Variants in TEX30 observed in about 807,000 individuals in gnomAD.
TEX30 encodes testis-expressed protein 30.
In TEX30, 14 loss-of-function variants were observed where a neutral mutation model predicts 23.8. The observed-to-expected ratio is 0.59, with a 90% CI of 0.39 to 0.92. The LOEUF is 0.92. Among genes scored for constraint, TEX30 ranks in the 40% least tolerant of loss-of-function variants. The probability of loss-of-function intolerance (pLI) is 0.00; values close to 1 mark genes in which losing one functional copy is unlikely to be tolerated. For missense variants in TEX30, 246 were observed against 270.6 expected (o/e 0.91, Z 0.64); for synonymous variants, 78 against 90.2 (o/e 0.87, Z 0.76).
chr13:102,770,622 G>A (rs375525982), intron 1 of TEX30: 1 of 152,186 alleles, frequency 6.6e-6, no homozygotes, highest in South Asian at 2.1e-4. Context: ...ACATTTCAAT[G>A]TGTGACTTCT....
rs1877236682 is a variant in TEX30, at chr13:102,770,347, C to T, written c.-60-261G>A. 4 of 218,876 alleles carry T rather than the reference C, an allele frequency of 1.8e-5. No individual in the cohort carries two copies. The Admixed American group carries it at 2.3e-4, about 13-fold the overall frequency. 13.6% of individuals were successfully genotyped at this position (218,876 alleles called of 1,614,324 possible). ...AGGTAATTCATATCAAAGTAGGATG[C>T]TGTATCTTGTCAAAATATGGTAATG... On this transcript the variant is annotated intron_variant, in intron 1 of 5. Coordinates refer to ENST00000376032, the MANE Select transcript of TEX30 (RefSeq NM_138779.5).
chr13:102,769,273 G>T (rs1309115680), intron 3 of TEX30, 38 bp downstream of exon 3: 3 of 1,331,284 alleles, frequency 2.3e-6, no homozygotes, highest in Non-Finnish European at 3.0e-6. Flanking sequence ...ATTTCAAACA[G>T]AATTCTGTTA....
chr13:102,767,363 C>T lies in TEX30; in HGVS notation c.414G>A (p.Lys138=). The change falls in exon 5 of 6, where the codon AAG becomes AAA. Residue 138 remains lysine, a synonymous_variant. Transcript: ENST00000376032. ...CTTCATCTCTGAGTTTATGCTGCTGCTTTGGATGGTGCAGTGGGTAAGAAA... is the reference window on the plus strand; with the variant it reads ...CTTCATCTCTGAGTTTATGCTGCTGTTTTGGATGGTGCAGTGGGTAAGAAA... ...ICISYPLHHP[K]QQHKLRDEDL... is the part of the protein sequence containing the mutation. 3.1e-6 allele frequency: 5 copies of T among 1,614,156 alleles called. No individual in the cohort carries two copies. Among genetic ancestry groups the T allele is most frequent in the Non-Finnish European group, 4.2e-6 (5 of 1,180,006 alleles).
intron 1 of TEX30, among the ~76,000 whole-genome samples, chr13:102,773,056 GACA>G (rs1394902632): frequency 1.3e-5 from 2 of 152,232 alleles, no homozygotes; most frequent in African/African-American, 2.4e-5. Context: ...GTTCTAGGAC[GACA>G]ACTACTCACA....
rs1876855483 is a variant in TEX30, at chr13:102,766,175, A to G, written c.*226T>C. The G allele has an allele frequency of 6.4e-6, 2 of 312,522 alleles. No individual in the cohort carries two copies. The highest frequency in any genetic ancestry group is 2.3e-4 in the South Asian group (2 of 8,552). The allele number at this position is 312,522 out of a possible 1,614,324, so 19.4% of individuals were successfully genotyped here. A position where few individuals can be genotyped will look rare whatever the true frequency, so the allele number is the denominator to read the frequency against. ...TTAACTATACTAATGAAAATAAATT[A>G]TATGTAGACCACCTTCAATATTTTT... On this transcript the variant is annotated 3_prime_UTR_variant, in exon 6 of 6. Transcript: ENST00000376032.
At chr13:102,773,457 C>T (rs1245970018) in intron 1 of TEX30, 1 of 152,104 alleles carries the variant, frequency 6.6e-6, no homozygotes, top group East Asian at 1.9e-4. Flanking sequence ...CCGCCCGTAC[C>T]AACCCCACAT....
intron 3 of TEX30, among the ~76,000 whole-genome samples, chr13:102,768,784 T>C (rs1483489842): frequency 6.6e-6 from 1 of 152,108 alleles, no homozygotes; most frequent in Non-Finnish European, 1.5e-5. Context: ...TCATGACACC[T>C]GATAAGCTTA....
intron 2 of TEX30, 90 bp downstream of exon 2, chr13:102,769,922 A>G (rs2139040856): frequency 8.6e-7 from 1 of 1,160,170 alleles, no homozygotes; most frequent in Non-Finnish European, 1.1e-6. Flanking sequence ...CCACAGTGAA[A>G]GTTGAAAATA....
intron 1 of TEX30, among the ~76,000 whole-genome samples, chr13:102,771,399 T>C (rs147266284): frequency 6.6e-6 from 1 of 152,350 alleles, no homozygotes; most frequent in African/African-American, 2.4e-5. Flanking sequence ...CATTTTTGAA[T>C]AGGTATCGTG....
Position 102,767,182 on chromosome 13 carries a change from T to G in TEX30, c.504+91A>C, listed in dbSNP as rs1876947197. 2.2e-6 allele frequency: 3 copies of G among 1,351,828 alleles called. No homozygotes were observed. In the Admixed American group the frequency reaches 6.3e-5, roughly 28 times the overall value. 83.7% of individuals were successfully genotyped at this position (1,351,828 alleles called of 1,614,324 possible). A position where few individuals can be genotyped will look rare whatever the true frequency, so the allele number is the denominator to read the frequency against. On this transcript the variant is annotated intron_variant, in intron 5 of 5. Coordinates refer to ENST00000376032, the MANE Select transcript of TEX30 (RefSeq NM_138779.5). ...TAGCATTAGTCAAATTAGCAATTTT[T>G]AAAAGACACTGTTGCCAGAAGTATC...
chr13:102,766,784 C>A (rs536828857), intron 5 of TEX30, among the ~76,000 whole-genome samples: 4 of 152,164 alleles, frequency 2.6e-5, no homozygotes, highest in Admixed American at 6.5e-5. Flanking sequence ...TCAGATCAAG[C>A]ATTTATTACT....
chr13:102,769,841 T>C, intron 2 of TEX30, 171 bp downstream of exon 2: 1 of 553,934 alleles, frequency 1.8e-6, no homozygotes, highest in Middle Eastern at 3.9e-4. Flanking sequence ...ATATAGCCGC[T>C]AGCTAGGATT....
At chr13:102,766,730 A>G (rs1407179568) in intron 5 of TEX30, 150 bp from the exon 6 acceptor site, 3 of 671,364 alleles carry the variant, frequency 4.5e-6, no homozygotes, top group Non-Finnish European at 4.6e-6. Context: ...GTGTGAGGAA[A>G]TGTCCGTAAA....
chr13:102,768,575 C>A (rs943906142), intron 3 of TEX30, among the ~76,000 whole-genome samples: 2 of 152,160 alleles, frequency 1.3e-5, no homozygotes, highest in African/African-American at 4.8e-5. Context: ...AAGCACTAAA[C>A]TATTTTTTAG....
rs1198410136 is a variant in TEX30, at chr13:102,766,677, A to T, written c.505-97T>A. ...CCTATACTGGCATTCATTCCCAAGT[A>T]TTCATTAAATGCTTTCTCAGACAAC... On this transcript the variant is annotated intron_variant, in intron 5 of 5. Transcript: ENST00000376032. 5 of 1,154,984 alleles carry T rather than the reference A, an allele frequency of 4.3e-6. No individual in the cohort carries two copies. The Admixed American group carries it at 1.5e-4, about 34-fold the overall frequency. The allele number at this position is 1,154,984 out of a possible 1,614,324, so 71.5% of individuals were successfully genotyped here.
At position 102,767,368 on chromosome 13, in the gene TEX30, G is replaced by A; in HGVS notation, c.409C>T (p.Pro137Ser). 6.2e-7 allele frequency: 1 copy of A among 1,614,122 alleles called. No individual in the cohort carries two copies. Among genetic ancestry groups the A allele is most frequent in the South Asian group, 1.1e-5 (1 of 91,084 alleles). The change falls in exon 5 of 6, where the codon CCA (proline) becomes TCA (serine). Residue 137 changes from proline to serine, a missense_variant. Transcript: ENST00000376032. ...TCTCTGAGTTTATGCTGCTGCTTTG[G>A]ATGGTGCAGTGGGTAAGAAATACAA... ...LICISYPLHH[P>S]KQQHKLRDED...
chr13:102,769,997 A>G lies in TEX30; in HGVS notation c.15+15T>C. 1 of 1,451,122 alleles carries G rather than the reference A, an allele frequency of 6.9e-7. No homozygotes were observed. Among genetic ancestry groups the G allele is most frequent in the Non-Finnish European group, 9.1e-7 (1 of 1,099,312 alleles). 89.9% of individuals were successfully genotyped at this position (1,451,122 alleles called of 1,614,324 possible). A position where few individuals can be genotyped will look rare whatever the true frequency, so the allele number is the denominator to read the frequency against. ...ACCAGGAACCCTGAAGATGCAGAAC[A>G]TACGAAAATATTACCTCTGTATGAC... On this transcript the variant is annotated intron_variant, in intron 2 of 5. Coordinates refer to ENST00000376032, the MANE Select transcript of TEX30 (RefSeq NM_138779.5).
At chr13:102,767,952 T>A (rs1231216298) in intron 4 of TEX30, among the ~76,000 whole-genome samples, 2 of 151,780 alleles carry the variant, frequency 1.3e-5, no homozygotes, top group Non-Finnish European at 2.9e-5. Context: ...GCTAAAAAAA[T>A]AAAAGGCAAT....
Position 102,767,407 on chromosome 13 carries a change from C to A in TEX30, c.370G>T (p.Val124Phe). 2 of 1,614,142 alleles carry A rather than the reference C, an allele frequency of 1.2e-6. No individual in the cohort carries two copies. Among genetic ancestry groups the A allele is most frequent in the Non-Finnish European group, 1.7e-6 (2 of 1,180,020 alleles). The part of the protein sequence containing the change: ...HIEPDDGDDF[V>F]RGLICISYPL... ...TAAGAAATACAAATGAGACCCCGAA[C>A]AAAATCATCACCATCATCTGGCTCA... Residue 124 changes from valine to phenylalanine, a missense_variant, in exon 5 of 6, where the codon GTT becomes TTT. By Grantham distance (50) the Val-to-Phe change is conservative (BLOSUM62 -1). Coordinates refer to ENST00000376032, the MANE Select transcript of TEX30 (RefSeq NM_138779.5).
Sources: allele counts gnomAD v4.1 joint callset (sites outside exome capture counted in the v4.1 genomes callset), GRCh38; gene constraint gnomAD v4.1.1; transcripts MANE v1.5; gene names NCBI Gene and HGNC (gene_info 2026-07-23, HGNC 2026-07-21).